The following SIRPD variants were observed in gnomAD, a reference collection of about 807,000 sequenced individuals.
SIRPD encodes the protein signal regulatory protein delta.
In SIRPD, 21 loss-of-function variants were observed where a neutral mutation model predicts 18.0. That is an observed-to-expected ratio of 1.17 (90% confidence interval 0.83 to 1.68). The LOEUF is 1.68. SIRPD is among the 40% of genes most tolerant of loss of function. The probability of loss-of-function intolerance (pLI) is 0.00; values close to 1 mark genes in which losing one functional copy is unlikely to be tolerated. For synonymous variants in SIRPD, 106 were observed against 92.9 expected (o/e 1.14, Z -0.81); for missense variants, 295 against 238.4 (o/e 1.24, Z -1.56).
intron 2 of SIRPD, among the ~76,000 whole-genome samples, chr20:1,546,820 T>C (rs1322860229): frequency 6.6e-6 from 1 of 152,246 alleles, no homozygotes; most frequent in Non-Finnish European, 1.5e-5. Flanking sequence ...TTGATTTGCA[T>C]TTCCCTGAGG....
At position 1,543,645 on chromosome 20, in the gene SIRPD, C is replaced by T. The variant is rs61511268; in HGVS notation, c.422-6335G>A. 9.1e-3 allele frequency among the ~76,000 whole-genome samples: 1,389 copies of T among 151,958 alleles called. 21 individuals carry two copies. The highest frequency in any genetic ancestry group is 0.033 in the African/African-American group (1,355 of 41,450). ...TTCAGTTCTGCTCTGATCTTAGTTACTTCTTGTCTTCTGCTATCTTTTGAA... is the reference window on the plus strand; with the variant it reads ...TTCAGTTCTGCTCTGATCTTAGTTATTTCTTGTCTTCTGCTATCTTTTGAA... On this transcript the variant is annotated intron_variant, in intron 2 of 3. Coordinates refer to ENST00000381623, the MANE Select transcript of SIRPD (RefSeq NM_178460.3).
intron 3 of SIRPD, among the ~76,000 whole-genome samples, chr20:1,536,092 G>C (rs763149617): frequency 6.6e-6 from 1 of 152,190 alleles, no homozygotes; most frequent in Admixed American, 6.5e-5. Context: ...ACTTGCCAAA[G>C]ACACAGAGTG....
chr20:1,537,848 T>C (rs2090954286), intron 2 of SIRPD, among the ~76,000 whole-genome samples: 1 of 152,068 alleles, frequency 6.6e-6, no homozygotes, highest in African/African-American at 2.4e-5. Flanking sequence ...ATAGTTTCTG[T>C]TTTAGAGAAA....
At chr20:1,539,347 T>C (rs1390235201) in intron 2 of SIRPD, among the ~76,000 whole-genome samples, 4 of 152,232 alleles carry the variant, frequency 2.6e-5, no homozygotes, top group Admixed American at 6.5e-5. Context: ...AACATACTTA[T>C]ATAATTTTGA....
chr20:1,551,672 G>T lies in SIRPD; in HGVS notation c.421+19C>A, dbSNP rs775133661. The stretch of plus-strand genomic sequence containing the variant: ...GATATTATACACCAGGGGGTATGGG[G>T]TATAGGAGACATACTCACCAGTAAC... On this transcript the variant is annotated intron_variant, in intron 2 of 3. Coordinates refer to ENST00000381623, the MANE Select transcript of SIRPD (RefSeq NM_178460.3). 7 of 1,583,726 alleles carry T rather than the reference G, an allele frequency of 4.4e-6. No individual in the cohort carries two copies. The highest frequency in any genetic ancestry group is 6.1e-6 in the Non-Finnish European group (7 of 1,156,762).
intron 1 of SIRPD, among the ~76,000 whole-genome samples, chr20:1,553,242 G>C (rs1302108172): frequency 1.3e-5 from 2 of 152,196 alleles, no homozygotes; most frequent in African/African-American, 4.8e-5. Flanking sequence ...CATGGTAGGA[G>C]ATCACATCCA....
intron 2 of SIRPD, among the ~76,000 whole-genome samples, chr20:1,550,588 G>T (rs1352322207): frequency 1.3e-5 from 2 of 152,150 alleles, no homozygotes; most frequent in Non-Finnish European, 2.9e-5. Context: ...CTTGAATACT[G>T]TGAGGAACCC....
intron 2 of SIRPD, among the ~76,000 whole-genome samples, chr20:1,547,637 T>G (rs1435503023): frequency 6.6e-6 from 1 of 152,212 alleles, no homozygotes; most frequent in Non-Finnish European, 1.5e-5. Context: ...ATCCTTCATA[T>G]TTCCACATGA....
intron 2 of SIRPD, among the ~76,000 whole-genome samples, chr20:1,547,475 T>A (rs1213349394): frequency 6.6e-6 from 1 of 152,242 alleles, no homozygotes; most frequent in African/African-American, 2.4e-5. Context: ...CAGGCTGGCC[T>A]CAAACTCCTG....
At chr20:1,552,728 A>G (rs1168665283) in intron 1 of SIRPD, among the ~76,000 whole-genome samples, 2 of 152,152 alleles carry the variant, frequency 1.3e-5, no homozygotes, top group Non-Finnish European at 2.9e-5. Flanking sequence ...AGGTCCTGGT[A>G]ATAATCTCTC....
chr20:1,550,250 G>A (rs1454177232), intron 2 of SIRPD, among the ~76,000 whole-genome samples: 2 of 152,144 alleles, frequency 1.3e-5, no homozygotes, highest in African/African-American at 2.4e-5. Flanking sequence ...GTTCCATTGG[G>A]TTGATTGGTT....
At chr20:1,549,592 G>A (rs542273221) in intron 2 of SIRPD, among the ~76,000 whole-genome samples, 8 of 151,892 alleles carry the variant, frequency 5.3e-5, no homozygotes, top group African/African-American at 9.7e-5. Flanking sequence ...TTTGCCATGG[G>A]GTATAGCCTT....
chr20:1,541,489 GT>G (rs1286094801), intron 2 of SIRPD, among the ~76,000 whole-genome samples: 2 of 152,190 alleles, frequency 1.3e-5, no homozygotes, highest in South Asian at 4.1e-4. Flanking sequence ...GGGGTTGCTT[GT>G]TTTTTTCTTG....
intron 1 of SIRPD, among the ~76,000 whole-genome samples, chr20:1,554,831 G>T (rs890835410): frequency 6.6e-6 from 1 of 152,096 alleles, no homozygotes; most frequent in Non-Finnish European, 1.5e-5. Context: ...TCCATAAAAG[G>T]TCACAACTGG....
intron 1 of SIRPD, 59 bp from the exon 2 acceptor site, chr20:1,552,097 G>T (rs756935193): frequency 4.9e-6 from 7 of 1,421,166 alleles, no homozygotes; most frequent in Non-Finnish European, 4.9e-6. Flanking sequence ...GCATGGGTAC[G>T]GGTCACGGTT....
At chr20:1,536,795 A>G (rs1213157854) in intron 3 of SIRPD, among the ~76,000 whole-genome samples, 1 of 151,880 alleles carries the variant, frequency 6.6e-6, no homozygotes, top group Non-Finnish European at 1.5e-5. Flanking sequence ...CTGCTCCTCT[A>G]CTTCTTCTCT....
At chr20:1,552,141 G>T in intron 1 of SIRPD, 103 bp from the exon 2 acceptor site, 2 of 934,604 alleles carry the variant, frequency 2.1e-6, no homozygotes, top group African/African-American at 1.7e-5. Flanking sequence ...AATGACATGC[G>T]CAAATGCCCA....
intron 2 of SIRPD, among the ~76,000 whole-genome samples, chr20:1,548,558 T>C (rs1434773309): frequency 6.6e-6 from 1 of 152,132 alleles, no homozygotes. Flanking sequence ...TAAGATATAT[T>C]TGATCTGTGT....
chr20:1,555,182 A>T (rs2091034980), intron 1 of SIRPD, among the ~76,000 whole-genome samples: 1 of 152,216 alleles, frequency 6.6e-6, no homozygotes, highest in East Asian at 1.9e-4. Context: ...GTCACTTATG[A>T]CACCATGGAT....
Sources: allele counts gnomAD v4.1 joint callset (sites outside exome capture counted in the v4.1 genomes callset), GRCh38; gene constraint gnomAD v4.1.1; transcripts MANE v1.5; gene names NCBI Gene and HGNC (gene_info 2026-07-23, HGNC 2026-07-21).